Variants in PACS2 observed in about 807,000 individuals in gnomAD.
PACS2 encodes the protein PACS1-like protein.
A neutral mutation model predicts 113.0 loss-of-function variants in PACS2; 36 were observed. The observed-to-expected ratio is 0.32, with a 90% CI of 0.24 to 0.42. PACS2 has a LOEUF of 0.42. Ranked by LOEUF, PACS2 falls within the 10% of genes least tolerant of loss-of-function variation. PACS2 has a pLI of 1.00. For synonymous variants in PACS2, 589 were observed against 536.1 expected (o/e 1.10, Z -1.36); for missense variants, 1,015 against 1,239.5 (o/e 0.82, Z 2.72).
intron 13 of PACS2, 121 bp downstream of exon 13, chr14:105,382,179 G>A: frequency 9.1e-7 from 1 of 1,104,606 alleles, no homozygotes; most frequent in Non-Finnish European, 1.3e-6. Flanking sequence ...GAGCATGCCT[G>A]GGCTTTGGAG....
intron 19 of PACS2, among the ~76,000 whole-genome samples, chr14:105,387,258 A>G (rs1458864924): frequency 1.3e-5 from 2 of 152,184 alleles, no homozygotes; most frequent in African/African-American, 4.8e-5. Context: ...CTCTCCAGCC[A>G]GGCTCCCCTG....
chr14:105,382,982 C>A, intron 15 of PACS2, 69 bp downstream of exon 15: 1 of 927,720 alleles, frequency 1.1e-6, no homozygotes, highest in Non-Finnish European at 1.7e-6. Flanking sequence ...CCACCTCTGC[C>A]CATTGCTCCG....
chr14:105,385,536 G>C lies in PACS2; in HGVS notation c.2001-149G>C, dbSNP rs1011733119. 4 of 541,594 alleles carry C rather than the reference G, an allele frequency of 7.4e-6. No individual in the cohort carries two copies. The African/African-American group carries it at 7.6e-5, about 10-fold the overall frequency. 33.5% of individuals were successfully genotyped at this position (541,594 alleles called of 1,614,324 possible). A position where few individuals can be genotyped will look rare whatever the true frequency, so the allele number is the denominator to read the frequency against. ...TCCCTAGACTACAGGGGAGAGAGCC[G>C]AGTGCAAGGCGCAAAGCCAGCGCTC... On this transcript the variant is annotated intron_variant, in intron 18 of 24. Coordinates refer to ENST00000447393, the MANE Select transcript of PACS2 (RefSeq NM_001100913.3).
intron 1 of PACS2, among the ~76,000 whole-genome samples, chr14:105,332,572 C>T (rs2059344940): frequency 6.6e-6 from 1 of 152,174 alleles, no homozygotes; most frequent in South Asian, 2.1e-4. Context: ...AATGGTGGGG[C>T]TCGGTGCCTG....
chr14:105,330,728 G>C lies in PACS2; in HGVS notation c.119+15691G>C, dbSNP rs904772654. ...TGTCTTTTCTCAGGCAATCGCCATGGTACCCAGGGCTGGCCTTGTTTCAGC... is the reference window on the plus strand; with the variant it reads ...TGTCTTTTCTCAGGCAATCGCCATGCTACCCAGGGCTGGCCTTGTTTCAGC... On this transcript the variant is annotated intron_variant, in intron 1 of 24. Coordinates refer to ENST00000447393, the MANE Select transcript of PACS2 (RefSeq NM_001100913.3). The surrounding 1 kb of genome is among the most constrained non-coding windows in gnomAD (Gnocchi z 6.9). 6.6e-6 allele frequency among the ~76,000 whole-genome samples: 1 copy of C among 152,224 alleles called. No individual in the cohort carries two copies. Among genetic ancestry groups the C allele is most frequent in the Admixed American group, 6.5e-5 (1 of 15,290 alleles).
At chr14:105,335,731 T>A (rs1351406161) in intron 1 of PACS2, among the ~76,000 whole-genome samples, 2 of 152,232 alleles carry the variant, frequency 1.3e-5, no homozygotes, top group Non-Finnish European at 2.9e-5. Context: ...GAAGGCACCC[T>A]GACCTTCTGT....
chr14:105,393,351 C>CCCGGGGT lies in PACS2; in HGVS notation c.2596+18_2596+24dup. On this transcript the variant is annotated intron_variant, in intron 24 of 24. Coordinates refer to ENST00000447393, the MANE Select transcript of PACS2 (RefSeq NM_001100913.3). ...ATGCTGCGGGGTGAGCACCACCGGC[C>CCCGGGGT]CCGGGGTCTGTAGAGTGGGACGTAG... 1 of 1,579,948 alleles carries CCCGGGGT rather than the reference C, an allele frequency of 6.3e-7. No homozygotes were observed. Among genetic ancestry groups the CCCGGGGT allele is most frequent in the South Asian group, 1.1e-5 (1 of 90,532 alleles).
intron 1 of PACS2, among the ~76,000 whole-genome samples, chr14:105,341,739 G>A (rs782470703): frequency 3.3e-5 from 5 of 152,272 alleles, no homozygotes; most frequent in Middle Eastern, 3.4e-3. Context: ...GAGTCTTGCC[G>A]TGTTGCCCAG....
Position 105,358,846 on chromosome 14 carries a change from G to A in PACS2, c.423+3669G>A, listed in dbSNP as rs2060558986. 6.6e-6 allele frequency among the ~76,000 whole-genome samples: 1 copy of A among 152,216 alleles called. No individual in the cohort carries two copies. Among genetic ancestry groups the A allele is most frequent in the Non-Finnish European group, 1.5e-5 (1 of 68,026 alleles). ...CGCGGGAGCGTCACCCTGACCGTTT[G>A]CATGCTGGATTCCCTTTAGTTTCTC... On this transcript the variant is annotated intron_variant, in intron 4 of 24. Transcript: ENST00000447393. The surrounding 1 kb of genome is among the most constrained non-coding windows in gnomAD (Gnocchi z 4.9).
Position 105,348,646 on chromosome 14 carries a change from G to A in PACS2, c.207+66G>A, listed in dbSNP as rs116530199. On this transcript the variant is annotated intron_variant, in intron 2 of 24. Coordinates refer to ENST00000447393, the MANE Select transcript of PACS2 (RefSeq NM_001100913.3). This position sits in a 1 kb window ranked among gnomAD's most constrained non-coding sequence, Gnocchi z 6.4. ...TAGGCTTTCCATGTGCCTGGGAGAC[G>A]AGTCAGGCGGTGCGCTACTGTGGGG... 3,591 of 1,170,424 alleles carry A rather than the reference G, an allele frequency of 3.1e-3. 80 individuals carry two copies. In the African/African-American group the frequency reaches 0.047, roughly 15 times the overall value. 72.5% of individuals were successfully genotyped at this position (1,170,424 alleles called of 1,614,324 possible). A position where few individuals can be genotyped will look rare whatever the true frequency, so the allele number is the denominator to read the frequency against.
rs1224309559 is a variant in PACS2 at position 105,376,306 on chromosome 14, T to G, written c.802-462T>G. 1.3e-5 allele frequency among the ~76,000 whole-genome samples: 2 copies of G among 150,874 alleles called. No individual in the cohort carries two copies. The highest frequency in any genetic ancestry group is 1.3e-4 in the Admixed American group (2 of 15,132). Reference sequence around the variant, plus strand: ...GAGAGCTGCAGGCCACATGATTCCTTTTGGGTAGCACTCGGGAAAGGGCAG... The same window carrying G: ...GAGAGCTGCAGGCCACATGATTCCTGTTGGGTAGCACTCGGGAAAGGGCAG... On this transcript the variant is annotated intron_variant, in intron 8 of 24. Coordinates refer to ENST00000447393, the MANE Select transcript of PACS2 (RefSeq NM_001100913.3). The surrounding 1 kb of genome is among the most constrained non-coding windows in gnomAD (Gnocchi z 4.7).
At chr14:105,362,111 A>T (rs1289399677) in intron 4 of PACS2, among the ~76,000 whole-genome samples, 2 of 146,904 alleles carry the variant, frequency 1.4e-5, no homozygotes, top group Admixed American at 6.8e-5. Context: ...AACAAGAGTT[A>T]GAATCTGTCT....
At chr14:105,383,255 C>A in intron 15 of PACS2, 104 bp from the exon 16 acceptor site, 3 of 1,350,890 alleles carry the variant, frequency 2.2e-6, no homozygotes, top group Non-Finnish European at 3.1e-6. Context: ...GCATGAGCGG[C>A]CACAGGCACG....
chr14:105,331,369 A>T (rs57000673), intron 1 of PACS2, among the ~76,000 whole-genome samples: 1 of 151,972 alleles, frequency 6.6e-6, no homozygotes, highest in African/African-American at 2.4e-5. Context: ...TCCTCTCCTA[A>T]GTTTTGTTAT....
Position 105,309,263 on chromosome 14 carries a change from T to C in PACS2, c.-83+8284T>C, listed in dbSNP as rs148672086. Among the ~76,000 whole-genome samples the C allele has an allele frequency of 1.7e-3, 254 of 152,356 alleles. 1 individual carries two copies. Among genetic ancestry groups the C allele is most frequent in the African/African-American group, 5.8e-3 (240 of 41,588 alleles). On this transcript the variant is annotated intron_variant, in intron 1 of 23. Transcript: ENST00000430725. The surrounding 1 kb of genome is among the most constrained non-coding windows in gnomAD (Gnocchi z 4.0). ...TCCCTCTTAATCTTGGGGCTCAGGA[T>C]AACCACAGTCAAGAGGGGAGAGTTT... is the stretch of plus-strand genomic sequence containing the variant.
In PACS2 at chr14:105,357,242, C is replaced by T. The variant is rs1233549336; in HGVS notation, c.423+2065C>T. Reference sequence around the variant, plus strand: ...CCTTGGGCTGTCCCCTCCTGATCCCCGGGGAGAGGCTGGAGCAACCTTCCC... The same window carrying T: ...CCTTGGGCTGTCCCCTCCTGATCCCTGGGGAGAGGCTGGAGCAACCTTCCC... On this transcript the variant is annotated intron_variant, in intron 4 of 24. Coordinates refer to ENST00000447393, the MANE Select transcript of PACS2 (RefSeq NM_001100913.3). The surrounding 1 kb of genome is among the most constrained non-coding windows in gnomAD (Gnocchi z 5.1). 6.6e-6 allele frequency among the ~76,000 whole-genome samples: 1 copy of T among 152,100 alleles called. No homozygotes were observed. Among genetic ancestry groups the T allele is most frequent in the Non-Finnish European group, 1.5e-5 (1 of 68,018 alleles).
rs113998713 is a variant in PACS2, at chr14:105,376,176, G to A, written c.802-592G>A. Among the ~76,000 whole-genome samples, 8 of 152,214 alleles carry A rather than the reference G, an allele frequency of 5.3e-5. No homozygotes were observed. The South Asian group carries it at 8.3e-4, about 16-fold the overall frequency. On this transcript the variant is annotated intron_variant, in intron 8 of 24. Coordinates refer to ENST00000447393, the MANE Select transcript of PACS2 (RefSeq NM_001100913.3). This position sits in a 1 kb window ranked among gnomAD's most constrained non-coding sequence, Gnocchi z 4.7. ...CCTCCACTTGTCCTGCCCTTGGCACGTGGGGCTTATGGGGATTACAATTCA... is the reference window on the plus strand; with the variant it reads ...CCTCCACTTGTCCTGCCCTTGGCACATGGGGCTTATGGGGATTACAATTCA...
At position 105,324,733 on chromosome 14, in the gene PACS2, G is replaced by A. The variant is rs2059031471; in HGVS notation, c.119+9696G>A. ...CGGTGGCGCCCCGTCTCACCCCACG[G>A]ATGGGGGGCAGGCTCTCCAGGAGCC... On this transcript the variant is annotated intron_variant, in intron 1 of 24. Transcript: ENST00000447393. This position sits in a 1 kb window ranked among gnomAD's most constrained non-coding sequence, Gnocchi z 4.7. 6.6e-6 allele frequency among the ~76,000 whole-genome samples: 1 copy of A among 151,912 alleles called. No homozygotes were observed. Among genetic ancestry groups the A allele is most frequent in the African/African-American group, 2.4e-5 (1 of 41,322 alleles).
rs1555403203 is a variant in PACS2 at position 105,348,716 on chromosome 14, C to T, written c.207+136C>T. ...GCAGCCCATGCCATCTCCGGGAGCCCGGGGGGCTGGGAATGACAGGATGCT... is the reference window on the plus strand; with the variant it reads ...GCAGCCCATGCCATCTCCGGGAGCCTGGGGGGCTGGGAATGACAGGATGCT... On this transcript the variant is annotated intron_variant, in intron 2 of 24. Transcript: ENST00000447393. The surrounding 1 kb of genome is among the most constrained non-coding windows in gnomAD (Gnocchi z 6.4). 7 of 693,760 alleles carry T rather than the reference C, an allele frequency of 1.0e-5. No homozygotes were observed. The highest frequency in any genetic ancestry group is 5.5e-5 in the East Asian group (2 of 36,640). 43.0% of individuals were successfully genotyped at this position (693,760 alleles called of 1,614,324 possible). A position where few individuals can be genotyped will look rare whatever the true frequency, so the allele number is the denominator to read the frequency against.
Sources: allele counts gnomAD v4.1 joint callset (sites outside exome capture counted in the v4.1 genomes callset), GRCh38; gene constraint gnomAD v4.1.1; non-coding constraint Gnocchi (gnomAD v3.1); transcripts MANE v1.5; gene names NCBI Gene and HGNC (gene_info 2026-07-23, HGNC 2026-07-21).